LMLN: variants seen among roughly 807,000 people sequenced by gnomAD.
LMLN encodes the protein leishmanolysin like peptidase.
LMLN carries 70 observed loss-of-function variants against 92.3 expected under a neutral mutation model. That is an observed-to-expected ratio of 0.76 (90% CI 0.63 to 0.92). The LOEUF is 0.92. Ranked by LOEUF, LMLN falls within the 40% of genes least tolerant of loss-of-function variation. LMLN has a pLI of 0.00. For synonymous variants in LMLN, 308 were observed against 296.2 expected, an observed-to-expected ratio of 1.04 and a Z score of -0.41; for missense variants, 691 against 814.6, an observed-to-expected ratio of 0.85 and a Z score of 1.85.
intron 6 of LMLN, among the ~76,000 whole-genome samples, 188 bp from the exon 7 acceptor site, chr3:197,983,754 AG>A (rs1034841385): frequency 6.8e-6 from 1 of 146,212 alleles, no homozygotes; most frequent in Non-Finnish European, 1.5e-5. Context: ...TTGTGGAAAC[AG>A]GGGTTGATTT....
At chr3:197,975,896 A>C in intron 3 of LMLN, 133 bp from the exon 4 acceptor site, 1 of 577,514 alleles carries the variant, frequency 1.7e-6, no homozygotes, top group Non-Finnish European at 3.0e-6. Flanking sequence ...TTGCCATACA[A>C]CCTTGACTAA....
In LMLN at chr3:198,031,042, G is replaced by T. The variant is rs1236219486; in HGVS notation, c.1657-4791G>T. 6.6e-6 allele frequency among the ~76,000 whole-genome samples: 1 copy of T among 152,048 alleles called. No homozygotes were observed. The highest frequency in any genetic ancestry group is 2.4e-5 in the African/African-American group (1 of 41,390). On this transcript the variant is annotated intron_variant, in intron 14 of 15. Coordinates refer to ENST00000330198, the Ensembl canonical transcript of LMLN. The surrounding 1 kb of genome is among the most constrained non-coding windows in gnomAD (Gnocchi z 4.8). ...GGCGGGACCTCACCTCTGCCCTCAG[G>T]GTCCTCAGCTAGGCCTGAGAATGAA...
intron 9 of LMLN, chr3:197,994,821 G>T (rs1581153490): frequency 6.6e-6 from 1 of 152,298 alleles, no homozygotes; most frequent in East Asian, 1.9e-4. Flanking sequence ...ACTAAAAATA[G>T]AATTACCATA....
At chr3:197,977,611 C>T (rs1292398744) in intron 5 of LMLN, among the ~76,000 whole-genome samples, 1 of 150,202 alleles carries the variant, frequency 6.7e-6, no homozygotes, top group Non-Finnish European at 1.5e-5. Flanking sequence ...AATTATCAAA[C>T]AATCTGGAAG....
intron 15 of LMLN, among the ~76,000 whole-genome samples, chr3:198,037,772 A>G (rs1377923794): frequency 6.6e-6 from 1 of 152,248 alleles, no homozygotes; most frequent in Non-Finnish European, 1.5e-5. Context: ...GTTTTAACCT[A>G]TGAGGACACC....
At chr3:197,970,186 A>T (rs921284529) in intron 1 of LMLN, among the ~76,000 whole-genome samples, 17 of 152,150 alleles carry the variant, frequency 1.1e-4, no homozygotes, top group South Asian at 2.1e-4. Flanking sequence ...ATAAATAAAA[A>T]AAATAAACTT....
intron 1 of LMLN, among the ~76,000 whole-genome samples, chr3:197,966,008 G>A (rs1343070086): frequency 6.6e-6 from 1 of 152,146 alleles, no homozygotes; most frequent in Admixed American, 6.5e-5. Context: ...GTGTGCTTGT[G>A]CATTTTAGGC....
exon 6 of LMLN, chr3:197,980,427 T>A: frequency 6.2e-7 from 1 of 1,611,996 alleles, no homozygotes; most frequent in Non-Finnish European, 8.5e-7. Flanking sequence ...ACGTTGGTGC[T>A]CTGGCCACCG....
intron 11 of LMLN, among the ~76,000 whole-genome samples, chr3:198,009,863 G>A (rs1439557576): frequency 5.3e-5 from 8 of 151,876 alleles, no homozygotes; most frequent in Non-Finnish European, 1.0e-4. Flanking sequence ...ATATTAATGG[G>A]GTAAATGAGA....
At chr3:198,013,721 C>T (rs1226238659) in intron 11 of LMLN, among the ~76,000 whole-genome samples, 31 of 101,424 alleles carry the variant, frequency 3.1e-4, no homozygotes, top group African/African-American at 5.4e-4. Context: ...GACTTCTCTC[C>T]ACCCTTCAGA....
chr3:198,029,514 A>T (rs1005463708), intron 14 of LMLN, among the ~76,000 whole-genome samples: 3 of 152,138 alleles, frequency 2.0e-5, no homozygotes, highest in Non-Finnish European at 4.4e-5. Flanking sequence ...TCTACTAAAA[A>T]TACAAAAATT....
intron 9 of LMLN, among the ~76,000 whole-genome samples, chr3:197,994,934 C>T (rs573424605): frequency 6.6e-6 from 1 of 152,290 alleles, no homozygotes; most frequent in South Asian, 2.1e-4. Flanking sequence ...TTTACAACAG[C>T]CACATTACAG....
At chr3:198,029,673 A>AAAAC (rs775870686) in intron 14 of LMLN, among the ~76,000 whole-genome samples, 6 of 152,100 alleles carry the variant, frequency 3.9e-5, no homozygotes, top group South Asian at 2.1e-4. Context: ...ACTACATGTA[A>AAAAC]AAACAAACAA....
chr3:197,996,102 T>C (rs1722009443), intron 9 of LMLN, 73 bp from the exon 10 acceptor site: 2 of 665,972 alleles, frequency 3.0e-6, no homozygotes, highest in African/African-American at 1.9e-5. Context: ...TATATTCATG[T>C]GATGAAAAGT....
intron 8 of LMLN, among the ~76,000 whole-genome samples, chr3:197,987,724 A>G (rs1302897191): frequency 6.6e-6 from 1 of 152,240 alleles, no homozygotes; most frequent in Admixed American, 6.5e-5. Flanking sequence ...ATCTGTTTAC[A>G]CTATAAATTT....
At chr3:197,993,662 A>C (rs2109888331) in intron 9 of LMLN, among the ~76,000 whole-genome samples, 1 of 152,314 alleles carries the variant, frequency 6.6e-6, no homozygotes, top group East Asian at 1.9e-4. Context: ...CATACTACCC[A>C]AAACAGTCTA....
exon 15 of LMLN, chr3:198,035,919 T>A (rs778244472): frequency 3.9e-5 from 63 of 1,614,014 alleles, no homozygotes; most frequent in Middle Eastern, 3.3e-4. Context: ...TCCCTGTCAG[T>A]ATCCAGATGA....
At chr3:197,975,971 A>T in intron 3 of LMLN, 58 bp from the exon 4 acceptor site, 2 of 1,051,696 alleles carry the variant, frequency 1.9e-6, no homozygotes, top group Non-Finnish European at 2.8e-6. Flanking sequence ...GCTTCTTTTA[A>T]ATATAATTTA....
chr3:197,975,977 A>G (rs1721365727), intron 3 of LMLN, 52 bp from the exon 4 acceptor site: 3 of 1,103,386 alleles, frequency 2.7e-6, no homozygotes, highest in Admixed American at 2.4e-5. Context: ...TTTAAATATA[A>G]TTTATCTCTT....
Sources: allele counts gnomAD v4.1 joint callset (sites outside exome capture counted in the v4.1 genomes callset), GRCh38; gene constraint gnomAD v4.1.1; non-coding constraint Gnocchi (gnomAD v3.1); transcripts MANE v1.5; gene names NCBI Gene and HGNC (gene_info 2026-07-23, HGNC 2026-07-21).